MTRFR: variants seen among roughly 807,000 people sequenced by gnomAD.
MTRFR encodes the protein probable peptide chain release factor C12orf65, mitochondrial.
MTRFR carries 10 observed loss-of-function variants against 11.9 expected under a neutral mutation model. The ratio of observed to expected loss-of-function variants is 0.84; its 90% CI spans 0.52 to 1.42. The LOEUF is 1.42. Ranked by LOEUF, MTRFR falls within the 40% of genes most tolerant of loss-of-function variation. MTRFR has a pLI of 0.00. For synonymous variants in MTRFR, 77 were observed against 79.1 expected, an observed-to-expected ratio of 0.97 and a Z score of 0.14; for missense variants, 196 against 197.9, an observed-to-expected ratio of 0.99 and a Z score of 0.06.
At chr12:123,253,542 G>A (rs990194075) in intron 1 of MTRFR, 105 bp from the exon 2 acceptor site, 3 of 1,086,692 alleles carry the variant, frequency 2.8e-6, no homozygotes, top group African/African-American at 3.1e-5. Context: ...GGTAACAGAT[G>A]GGTCATCATT....
intron 1 of MTRFR, among the ~76,000 whole-genome samples, chr12:123,236,224 ATAGG>A (rs2047848026): frequency 6.6e-6 from 1 of 152,222 alleles, no homozygotes; most frequent in African/African-American, 2.4e-5. Context: ...GGTTTCCAAG[ATAGG>A]TCTTACTGAG....
intron 2 of MTRFR, among the ~76,000 whole-genome samples, chr12:123,256,377 G>A (rs1282854542): frequency 6.6e-6 from 1 of 152,158 alleles, no homozygotes; most frequent in Non-Finnish European, 1.5e-5. Flanking sequence ...CAAGGGTATG[G>A]GACACAGGGC....
chr12:123,248,980 T>C (rs560729819), intron 1 of MTRFR: 4 of 151,458 alleles, frequency 2.6e-5, no homozygotes, highest in East Asian at 3.9e-4. Context: ...ACAGCACTGA[T>C]TGATGTGTTT....
At chr12:123,243,248 T>TTTG (rs2047972175) in intron 1 of MTRFR, among the ~76,000 whole-genome samples, 1 of 151,938 alleles carries the variant, frequency 6.6e-6, no homozygotes, top group Non-Finnish European at 1.5e-5. Flanking sequence ...TTTTTTTTTT[T>TTTG]GGCTGGGCGC....
rs1472103922 is a variant in MTRFR at position 123,256,814 on chromosome 12, G to A, written c.284G>A (p.Cys95Tyr). Reference sequence around the variant, plus strand: ...ATTATAAAATATTATCTCTTACAGTGCCATCAGACAAGATCAGTTGATCAG... The same window carrying A: ...ATTATAAAATATTATCTCTTACAGTACCATCAGACAAGATCAGTTGATCAG... Reference protein sequence around the residue: ...KHIPSGIVVKCHQTRSVDQNR... With the variant: ...KHIPSGIVVKYHQTRSVDQNR... Residue 95 changes from cysteine (C) to tyrosine (Y), a missense_variant and splice_region_variant, in exon 3 of 3, where the codon TGC becomes TAC. Coordinates refer to ENST00000253233, the MANE Select transcript of MTRFR (RefSeq NM_152269.5). 6.2e-7 allele frequency: 1 copy of A among 1,608,566 alleles called. No homozygotes were observed. The highest frequency in any genetic ancestry group is 1.3e-5 in the African/African-American group (1 of 74,760).
At chr12:123,244,167 T>C (rs527846102) in intron 1 of MTRFR, among the ~76,000 whole-genome samples, 57 of 152,246 alleles carry the variant, frequency 3.7e-4, no homozygotes, top group African/African-American at 1.3e-3. Context: ...GCGGTGTGGC[T>C]CACTCCTGTG....
chr12:123,253,491 T>A, intron 1 of MTRFR, 156 bp from the exon 2 acceptor site: 1 of 700,988 alleles, frequency 1.4e-6, no homozygotes, highest in Non-Finnish European at 2.5e-6. Flanking sequence ...GAGGGGCGTC[T>A]TGCTGAATAA....
rs1020292509 is a variant in MTRFR, at chr12:123,253,858, G to A, written c.184G>A (p.Glu62Lys). The A allele has an allele frequency of 1.1e-5, 17 of 1,614,196 alleles. No homozygotes were observed. The highest frequency in any genetic ancestry group is 2.7e-5 in the African/African-American group (2 of 75,058). ...TTCCTTGGATGAGAATGAACTCGAA[G>A]AGCAGTTTGTGAAAGGACACGGTCC... ...LLSLDENELEEQFVKGHGPGG... is the reference protein window; with the variant it reads ...LLSLDENELEKQFVKGHGPGG... The change falls in exon 2 of 3, where the codon GAG (glutamate) becomes AAG (lysine). Residue 62 changes from glutamate (E) to lysine (K), a missense_variant. Transcript: ENST00000253233.
chr12:123,253,789 A>G lies in MTRFR; in HGVS notation c.115A>G (p.Thr39Ala), dbSNP rs763737597. The G allele has an allele frequency of 3.1e-6, 5 of 1,614,044 alleles. No homozygotes were observed. Among genetic ancestry groups the G allele is most frequent in the Non-Finnish European group, 4.2e-6 (5 of 1,180,018 alleles). ...LTLLSPGIAV[T>A]PVQMAGKKDY... ...GTTGTTATCCCCAGGAATAGCTGTC[A>G]CTCCGGTCCAGATGGCAGGCAAGAA... The change falls in exon 2 of 3, where the codon ACT becomes GCT. Residue 39 changes from threonine (T) to alanine (A), a missense_variant. Transcript: ENST00000253233.
intron 1 of MTRFR, among the ~76,000 whole-genome samples, chr12:123,244,391 C>T (rs2048001533): frequency 6.6e-6 from 1 of 152,114 alleles, no homozygotes; most frequent in East Asian, 1.9e-4. Context: ...AAGATCGCGC[C>T]ATCGCACTCC....
At chr12:123,250,135 A>T (rs1400182103) in intron 1 of MTRFR, 2 of 152,006 alleles carry the variant, frequency 1.3e-5, no homozygotes, top group African/African-American at 4.8e-5. Context: ...TCGAGCTCTG[A>T]ATTTCTTTAT....
intron 2 of MTRFR, chr12:123,254,206 C>T (rs1329177537): frequency 4.3e-5 from 22 of 517,100 alleles, no homozygotes; most frequent in Non-Finnish European, 1.0e-5. Flanking sequence ...CAGGGTATGG[C>T]TGCCATCCTT....
intron 1 of MTRFR, chr12:123,252,518 G>C (rs987685448): frequency 1.3e-5 from 2 of 151,850 alleles, no homozygotes; most frequent in African/African-American, 2.4e-5. Flanking sequence ...CCAGGGAACA[G>C]ATGTTCACAT....
At chr12:123,239,050 C>A (rs968216800) in intron 1 of MTRFR, among the ~76,000 whole-genome samples, 6 of 152,196 alleles carry the variant, frequency 3.9e-5, no homozygotes, top group African/African-American at 1.2e-4. Flanking sequence ...GAAGGCAGAT[C>A]GCTTGAGTTT....
At chr12:123,237,158 T>TA (rs71440287) in intron 1 of MTRFR, among the ~76,000 whole-genome samples, 4 of 149,670 alleles carry the variant, frequency 2.7e-5, no homozygotes, top group East Asian at 2.0e-4. Context: ...GTTTTCTGCT[T>TA]AAAAAAAAAT....
At chr12:123,247,938 C>CT (rs1458719281) in intron 1 of MTRFR, among the ~76,000 whole-genome samples, 1 of 151,514 alleles carries the variant, frequency 6.6e-6, no homozygotes. Flanking sequence ...GAGTGAGACT[C>CT]TGTCTCAAAA....
chr12:123,236,070 TAAATA>T (rs2047845825), intron 1 of MTRFR, among the ~76,000 whole-genome samples: 1 of 150,740 alleles, frequency 6.6e-6, no homozygotes, highest in African/African-American at 2.4e-5. Context: ...CTCAAAAAAA[TAAATA>T]AATAAAAACT....
At chr12:123,244,538 G>A (rs1294570947) in intron 1 of MTRFR, among the ~76,000 whole-genome samples, 1 of 152,162 alleles carries the variant, frequency 6.6e-6, no homozygotes, top group East Asian at 1.9e-4. Flanking sequence ...TACTTTTGCA[G>A]TTCCCGTAAT....
intron 1 of MTRFR, among the ~76,000 whole-genome samples, chr12:123,240,939 C>T (rs1212932512): frequency 6.6e-6 from 1 of 151,916 alleles, no homozygotes; most frequent in Non-Finnish European, 1.5e-5. Context: ...GTCTTGAACT[C>T]CTGACCTCAG....
Sources: allele counts gnomAD v4.1 joint callset (sites outside exome capture counted in the v4.1 genomes callset), GRCh38; gene constraint gnomAD v4.1.1; transcripts MANE v1.5; gene names NCBI Gene and HGNC (gene_info 2026-07-23, HGNC 2026-07-21).